The following DNASE1 variants were observed in gnomAD, a reference collection of about 807,000 sequenced individuals.
DNASE1 encodes deoxyribonuclease 1, also known as deoxyribonuclease-1.
Under a neutral mutation model 33.9 loss-of-function variants are expected in DNASE1, and 40 were observed. The observed-to-expected ratio is 1.18, with a 90% CI of 0.92 to 1.54. The LOEUF (loss-of-function observed/expected upper bound fraction) is 1.54, where lower values mean the gene tolerates loss of function less well. Among genes scored for constraint, DNASE1 ranks in the 40% most tolerant of loss-of-function variants. DNASE1 has a pLI of 0.00. For synonymous variants in DNASE1, 216 were observed against 160.0 expected (o/e 1.35, Z -2.64); for missense variants, 518 against 372.6 (o/e 1.39, Z -3.21).
chr16:3,622,406 A>T (rs1482147810), intron 1 of DNASE1, among the ~76,000 whole-genome samples: 1 of 152,100 alleles, frequency 6.6e-6, no homozygotes, highest in East Asian at 1.9e-4. Context: ...TATTTTCTTC[A>T]CGTGATTAAA....
chr16:3,624,437 G>C (rs1224515988), intron 1 of DNASE1, among the ~76,000 whole-genome samples: 1 of 152,154 alleles, frequency 6.6e-6, no homozygotes, highest in Non-Finnish European at 1.5e-5. Context: ...TCTAGGCACT[G>C]GGTTAGCGTC....
chr16:3,626,424 A>G (rs112251379), intron 1 of DNASE1, among the ~76,000 whole-genome samples: 43 of 152,224 alleles, frequency 2.8e-4, no homozygotes, highest in African/African-American at 9.9e-4. Flanking sequence ...CTTAATATCA[A>G]GTGTTTGGAG....
chr16:3,655,701 C>T, intron 2 of DNASE1, 148 bp from the exon 3 acceptor site: 2 of 1,373,662 alleles, frequency 1.5e-6, no homozygotes, highest in Admixed American at 3.6e-5. Context: ...TGTGCTGTCC[C>T]TGGCTGGCAG....
chr16:3,638,780 C>T (rs1461672483), upstream of DNASE1, among the ~76,000 whole-genome samples: 3 of 152,206 alleles, frequency 2.0e-5, no homozygotes, highest in Admixed American at 2.0e-4. Context: ...CATTAGACAG[C>T]TTGATAGTGT....
Position 3,619,435 on chromosome 16 carries a change from T to C in DNASE1, c.-1359+7429T>C, listed in dbSNP as rs370951622. ...GAAGTGCAGTGGTGTGATCTCAGCT[T>C]ACTGCAAGCTCTGCCTCCCAGTTGC... On this transcript the variant is annotated intron_variant and NMD_transcript_variant, in intron 1 of 11. Transcript: ENST00000570769. Among the ~76,000 whole-genome samples the C allele has an allele frequency of 1.4e-3, 207 of 151,302 alleles. 1 individual carries two copies. Among genetic ancestry groups the C allele is most frequent in the African/African-American group, 4.8e-3 (199 of 41,262 alleles).
chr16:3,621,177 T>C (rs2041297941), intron 1 of DNASE1, among the ~76,000 whole-genome samples: 1 of 152,050 alleles, frequency 6.6e-6, no homozygotes, highest in African/African-American at 2.4e-5. Flanking sequence ...ACTCGAACTC[T>C]TGGGCTCAGA....
At chr16:3,633,252 TTTTATA>T (rs1331330320) in intron 1 of DNASE1, among the ~76,000 whole-genome samples, 1 of 152,200 alleles carries the variant, frequency 6.6e-6, no homozygotes, top group African/African-American at 2.4e-5. Flanking sequence ...TAATTGAACA[TTTTATA>T]TGATTACATT....
At chr16:3,614,440 G>C (rs925492020) in intron 1 of DNASE1, among the ~76,000 whole-genome samples, 5 of 152,228 alleles carry the variant, frequency 3.3e-5, no homozygotes, top group African/African-American at 1.2e-4. Context: ...TGGTTAGGAG[G>C]AAGAAATAGG....
rs1297581532 is a variant in DNASE1, at chr16:3,627,230, A to G, written c.-1358-13485A>G. 3.3e-5 allele frequency among the ~76,000 whole-genome samples: 5 copies of G among 150,444 alleles called. No homozygotes were observed. The East Asian group carries it at 9.9e-4, about 30-fold the overall frequency. On this transcript the variant is annotated intron_variant and NMD_transcript_variant, in intron 1 of 11. Transcript: ENST00000570769. ...TCTACTTTGCTTGTTTGACATTAAT[A>G]TAGCCAGTCCAGCTGTCTTTTGATT...
At chr16:3,620,602 T>G (rs1180137912) in intron 1 of DNASE1, among the ~76,000 whole-genome samples, 1 of 152,120 alleles carries the variant, frequency 6.6e-6, no homozygotes, top group Non-Finnish European at 1.5e-5. Context: ...CATATTATAT[T>G]CCATATTTAA....
chr16:3,638,236 C>CT (rs1699830414), upstream of DNASE1, among the ~76,000 whole-genome samples: 1 of 151,772 alleles, frequency 6.6e-6, no homozygotes, highest in South Asian at 2.1e-4. Flanking sequence ...ACATAATATG[C>CT]TTTTTAGCTT....
At chr16:3,649,768 C>T (rs562140529), upstream of DNASE1, among the ~76,000 whole-genome samples, 3 of 152,270 alleles carry the variant, frequency 2.0e-5, no homozygotes, top group East Asian at 5.8e-4. Context: ...CTGGGACCCT[C>T]TGCCCCATCT....
upstream of DNASE1, among the ~76,000 whole-genome samples, chr16:3,650,155 TTTG>T (rs988216933): frequency 1.3e-5 from 2 of 152,206 alleles, no homozygotes; most frequent in Non-Finnish European, 2.9e-5. Context: ...TTAGAAAACA[TTTG>T]TTATTATGTA....
At chr16:3,624,169 T>C (rs1240892623) in intron 1 of DNASE1, among the ~76,000 whole-genome samples, 1 of 151,106 alleles carries the variant, frequency 6.6e-6, no homozygotes, top group Non-Finnish European at 1.5e-5. Context: ...CCCAGGAAGC[T>C]GAGGCAGGAG....
chr16:3,612,595 G>T lies in DNASE1; in HGVS notation c.-1359+589G>T, dbSNP rs1479851345. ...AGTAGAGACGGGCGGTGGGGGCGGG[G>T]GGGGGAGTCTCACTATGTTGCCCAG... On this transcript the variant is annotated intron_variant and NMD_transcript_variant, in intron 1 of 11. Coordinates refer to the DNASE1 transcript ENST00000570769. 2.1e-5 allele frequency among the ~76,000 whole-genome samples: 3 copies of T among 145,842 alleles called. No homozygotes were observed. In the East Asian group the frequency reaches 6.1e-4, roughly 30 times the overall value.
chr16:3,623,622 G>A (rs892496205), intron 1 of DNASE1, among the ~76,000 whole-genome samples: 2 of 151,062 alleles, frequency 1.3e-5, no homozygotes, highest in African/African-American at 4.9e-5. Context: ...ATCTCAACAA[G>A]AAAAAAAAAC....
Position 3,655,378 on chromosome 16 carries a change from G to A in DNASE1, c.5G>A (p.Arg2Lys). Residue 2 changes from arginine to lysine, a missense_variant, in exon 2 of 9, where the codon AGG (arginine) becomes AAG (lysine). Transcript: ENST00000246949. ...TGTGCCCTGTGCTCTCCCAGGATGA[G>A]GGGCATGAAGCTGCTGGGGGCGCTG... M[R>K]GMKLLGALLA... 1 of 1,614,162 alleles carries A rather than the reference G, an allele frequency of 6.2e-7. No homozygotes were observed. Among genetic ancestry groups the A allele is most frequent in the Non-Finnish European group, 8.5e-7 (1 of 1,180,036 alleles).
At chr16:3,664,283 T>C (rs774441134) in exon 10 of DNASE1, 5 of 1,583,486 alleles carry the variant, frequency 3.2e-6, no homozygotes, top group Non-Finnish European at 4.3e-6. Flanking sequence ...CCTCTGTGTC[T>C]TTCTTCTTCA....
intron 4 of DNASE1, 47 bp downstream of exon 4, chr16:3,656,232 C>T (rs1346910566): frequency 1.3e-6 from 2 of 1,549,934 alleles, no homozygotes; most frequent in Non-Finnish European, 1.8e-6. Context: ...CCTGGGAGGG[C>T]CCCAACAGAG....
Sources: allele counts gnomAD v4.1 joint callset (sites outside exome capture counted in the v4.1 genomes callset), GRCh38; gene constraint gnomAD v4.1.1; transcripts MANE v1.5; gene names NCBI Gene and HGNC (gene_info 2026-07-23, HGNC 2026-07-21).